TENM4: variants seen among roughly 807,000 people sequenced by gnomAD.
TENM4 encodes teneurin transmembrane protein 4.
Under a neutral mutation model 243.3 loss-of-function variants are expected in TENM4, and 82 were observed. That is an observed-to-expected ratio of 0.34 (90% CI 0.28 to 0.40). The LOEUF is 0.40. Among genes scored for constraint, TENM4 ranks in the 10% least tolerant of loss-of-function variants. The pLI is 1.00. For missense variants in TENM4, 3,138 were observed against 3,673.3 expected, an observed-to-expected ratio of 0.85 and a Z score of 3.77; for synonymous variants, 1,412 against 1,456.3, an observed-to-expected ratio of 0.97 and a Z score of 0.69.
chr11:78,910,918 G>C (rs1220974562), intron 6 of TENM4, among the ~76,000 whole-genome samples: 2 of 152,184 alleles, frequency 1.3e-5, no homozygotes, highest in Admixed American at 1.3e-4. Context: ...GGCCCACAGA[G>C]GACAGCAGAC....
At chr11:79,110,255 T>C (rs1024993938) in intron 4 of TENM4, among the ~76,000 whole-genome samples, 15 of 152,174 alleles carry the variant, frequency 9.9e-5, no homozygotes, top group African/African-American at 2.7e-4. Context: ...TCCATTGCCA[T>C]AAGCCTACTA....
intron 2 of TENM4, among the ~76,000 whole-genome samples, chr11:79,253,490 T>TC (rs1855648468): frequency 6.6e-6 from 1 of 152,164 alleles, no homozygotes; most frequent in African/African-American, 2.4e-5. Context: ...GGATGTGACC[T>TC]CCGGAGGCTC....
intron 2 of TENM4, among the ~76,000 whole-genome samples, chr11:79,265,780 G>A (rs370840746): frequency 1.9e-4 from 29 of 152,160 alleles, no homozygotes; most frequent in South Asian, 8.3e-4. Context: ...AGGAAACAGG[G>A]CTTTGGATTA....
At chr11:79,366,275 C>G (rs1039460770) in intron 1 of TENM4, among the ~76,000 whole-genome samples, 1 of 152,234 alleles carries the variant, frequency 6.6e-6, no homozygotes, top group Admixed American at 6.5e-5. Flanking sequence ...CAGGAATGCC[C>G]TCTTTGTGTC....
At chr11:78,944,323 G>A (rs560747975) in intron 6 of TENM4, among the ~76,000 whole-genome samples, 2 of 152,014 alleles carry the variant, frequency 1.3e-5, no homozygotes, top group African/African-American at 4.8e-5. Flanking sequence ...TCCCTAGTAC[G>A]TTTGCCAAAA....
intron 10 of TENM4, among the ~76,000 whole-genome samples, chr11:78,860,150 C>T (rs1858781500): frequency 6.6e-6 from 1 of 152,158 alleles, no homozygotes; most frequent in Non-Finnish European, 1.5e-5. Context: ...CAAACCTTTG[C>T]AGAATCTGTG....
At chr11:78,769,158 A>G (rs1340721477) in intron 18 of TENM4, among the ~76,000 whole-genome samples, 3 of 152,204 alleles carry the variant, frequency 2.0e-5, no homozygotes, top group Admixed American at 6.5e-5. Flanking sequence ...TGTTATTATT[A>G]GTCATTGGAA....
At chr11:79,411,992 G>C (rs954749219) in intron 1 of TENM4, among the ~76,000 whole-genome samples, 1 of 152,164 alleles carries the variant, frequency 6.6e-6, no homozygotes, top group Non-Finnish European at 1.5e-5. Flanking sequence ...CTTCACAAAG[G>C]AGTCTAGCAG....
chr11:78,677,148 C>T (rs1858498602), intron 29 of TENM4, among the ~76,000 whole-genome samples: 1 of 151,672 alleles, frequency 6.6e-6, no homozygotes. Context: ...AATTATACCT[C>T]AAAAATACTT....
At chr11:79,384,001 C>T (rs527696986) in intron 1 of TENM4, among the ~76,000 whole-genome samples, 1 of 152,162 alleles carries the variant, frequency 6.6e-6, no homozygotes, top group Non-Finnish European at 1.5e-5. Context: ...ACCTGCCCCC[C>T]CTTCCTTTCT....
intron 2 of TENM4, among the ~76,000 whole-genome samples, chr11:79,255,276 C>T (rs1223234874): frequency 3.3e-5 from 5 of 152,174 alleles, no homozygotes; most frequent in Non-Finnish European, 5.9e-5. Flanking sequence ...CAGCATGGTG[C>T]CCAGTGCACA....
chr11:79,140,026 G>C (rs1862256514), intron 4 of TENM4, among the ~76,000 whole-genome samples: 1 of 151,110 alleles, frequency 6.6e-6, no homozygotes, highest in African/African-American at 2.4e-5. Flanking sequence ...CTCAGGCATG[G>C]TCTCTTATTC....
chr11:79,318,694 A>C (rs1434033191), intron 1 of TENM4, among the ~76,000 whole-genome samples: 1 of 152,180 alleles, frequency 6.6e-6, no homozygotes, highest in African/African-American at 2.4e-5. Flanking sequence ...AAATAACCAG[A>C]AACTGGTGAG....
intron 16 of TENM4, among the ~76,000 whole-genome samples, chr11:78,780,032 G>C (rs1005318786): frequency 5.9e-5 from 9 of 152,156 alleles, no homozygotes; most frequent in African/African-American, 2.2e-4. Flanking sequence ...TGGAAAATTG[G>C]GAAGAGGAAA....
intron 2 of TENM4, among the ~76,000 whole-genome samples, chr11:79,217,344 C>T (rs1864070981): frequency 6.6e-6 from 1 of 152,040 alleles, no homozygotes; most frequent in African/African-American, 2.4e-5. Flanking sequence ...CTACAAAATG[C>T]CTTATTATAC....
chr11:79,322,519 C>A (rs1312897892), intron 1 of TENM4, among the ~76,000 whole-genome samples: 1 of 152,122 alleles, frequency 6.6e-6, no homozygotes, highest in Non-Finnish European at 1.5e-5. Context: ...CTATATCTTT[C>A]CACCCTGCTC....
chr11:78,996,860 C>G (rs1858185778), intron 6 of TENM4, among the ~76,000 whole-genome samples: 1 of 152,156 alleles, frequency 6.6e-6, no homozygotes, highest in Non-Finnish European at 1.5e-5. Context: ...AGGGCTCCAG[C>G]TGTAAGGGCC....
chr11:79,385,447 T>G (rs1858092015), intron 1 of TENM4, among the ~76,000 whole-genome samples: 1 of 152,164 alleles, frequency 6.6e-6, no homozygotes, highest in African/African-American at 2.4e-5. Context: ...AACCCTCTAT[T>G]TGTGCCTCAT....
intron 6 of TENM4, among the ~76,000 whole-genome samples, chr11:79,060,749 A>G (rs1463609366): frequency 6.6e-6 from 1 of 152,196 alleles, no homozygotes; most frequent in Non-Finnish European, 1.5e-5. Flanking sequence ...CAGGTTTCCC[A>G]TTTGGCAAAT....
Sources: allele counts gnomAD v4.1 joint callset (sites outside exome capture counted in the v4.1 genomes callset), GRCh38; gene constraint gnomAD v4.1.1; transcripts MANE v1.5; gene names NCBI Gene and HGNC (gene_info 2026-07-23, HGNC 2026-07-21).